MED13: variants seen among roughly 807,000 people sequenced by gnomAD.
MED13 encodes mediator complex subunit 13.
In MED13, 23 loss-of-function variants were observed where a neutral mutation model predicts 225.2. That is an observed-to-expected ratio of 0.10 (90% CI 0.07 to 0.14). The LOEUF is 0.14. Ranked by LOEUF, MED13 falls within the 10% of genes least tolerant of loss-of-function variation. MED13 has a pLI of 1.00. For missense variants in MED13, 2,197 were observed against 2,594.5 expected (o/e 0.85, Z 3.33); for synonymous variants, 942 against 889.2 (o/e 1.06, Z -1.06).
At chr17:62,060,357 T>G (rs2081028814) in intron 2 of MED13, among the ~76,000 whole-genome samples, 1 of 151,704 alleles carries the variant, frequency 6.6e-6, no homozygotes, top group South Asian at 2.1e-4. Flanking sequence ...AAACCCTACC[T>G]CCTGCCTGTA....
chr17:61,948,911 C>A (rs942085131), intron 28 of MED13, among the ~76,000 whole-genome samples: 2 of 150,854 alleles, frequency 1.3e-5, no homozygotes, highest in African/African-American at 2.4e-5. Context: ...ACGGTGAAAC[C>A]CCATCTCTAC....
intron 23 of MED13, among the ~76,000 whole-genome samples, chr17:61,958,730 C>T (rs1231936991): frequency 6.6e-6 from 1 of 152,140 alleles, no homozygotes; most frequent in African/African-American, 2.4e-5. Flanking sequence ...ACCTTGCCCT[C>T]CCAAAGTGTT....
Position 62,039,385 on chromosome 17 carries a change from C to G in MED13, c.471-3777G>C, listed in dbSNP as rs72843789. Among the ~76,000 whole-genome samples, 812 of 152,116 alleles carry G rather than the reference C, an allele frequency of 5.3e-3. 6 individuals are homozygous for G. Among genetic ancestry groups the G allele is most frequent in the Non-Finnish European group, 8.9e-3 (606 of 68,010 alleles). On this transcript the variant is annotated intron_variant, in intron 3 of 29. Coordinates refer to ENST00000397786, the MANE Select transcript of MED13 (RefSeq NM_005121.3). ...GCAGCCTCCACTTCCCAGGTTAAAG[C>G]GATTCTTCTTCCTCTGCCTCCTGAG... is the stretch of plus-strand genomic sequence containing the variant.
Position 61,956,258 on chromosome 17 carries a change from A to C in MED13, c.5623+81T>G, listed in dbSNP as rs2079942903. ...TGATAACCTTTGCATTTTATTCAAC[A>C]TATATACCTAGACGTGGTCAGAACT... On this transcript the variant is annotated intron_variant, in intron 24 of 29. Transcript: ENST00000397786. The C allele has an allele frequency of 2.2e-6, 3 of 1,339,518 alleles. No individual in the cohort carries two copies. In the South Asian group the frequency reaches 4.7e-5, roughly 21 times the overall value. 83.0% of individuals were successfully genotyped at this position (1,339,518 alleles called of 1,614,324 possible).
chr17:61,944,738 C>T lies in MED13; in HGVS notation c.*1730G>A, dbSNP rs118067315. On this transcript the variant is annotated 3_prime_UTR_variant, in exon 30 of 30. Coordinates refer to ENST00000397786, the MANE Select transcript of MED13 (RefSeq NM_005121.3). ...GTTTTGTAAATACAACTGATTTTGT[C>T]CTTGTAGATAATTAGTGAACGTACA... 4.3e-3 allele frequency: 659 copies of T among 152,466 alleles called. 4 individuals are homozygous for T. The highest frequency in any genetic ancestry group is 0.01 in the Middle Eastern group (3 of 290). The allele number at this position is 152,466 out of a possible 1,614,324, so 9.4% of individuals were successfully genotyped here.
At chr17:62,017,207 G>C (rs2080591010) in intron 8 of MED13, among the ~76,000 whole-genome samples, 1 of 81,162 alleles carries the variant, frequency 1.2e-5, no homozygotes. Context: ...AAACAGAGTA[G>C]AACTAAAATG....
chr17:62,002,168 G>GA (rs1395091985), intron 9 of MED13, among the ~76,000 whole-genome samples: 14 of 152,222 alleles, frequency 9.2e-5, no homozygotes, highest in African/African-American at 3.4e-4. Context: ...AGTGCTTCCA[G>GA]AAAGAATTTA....
At chr17:61,994,895 G>A (rs2080334394) in intron 10 of MED13, among the ~76,000 whole-genome samples, 1 of 152,022 alleles carries the variant, frequency 6.6e-6, no homozygotes. Flanking sequence ...ATTTTTATTA[G>A]AGACAGGGTT....
intron 21 of MED13, 24 bp from the exon 22 acceptor site, chr17:61,961,803 C>G: frequency 3.1e-6 from 5 of 1,597,072 alleles, no homozygotes; most frequent in Non-Finnish European, 4.3e-6. Context: ...GCAAATATTA[C>G]AAATGTTAAA....
intron 23 of MED13, among the ~76,000 whole-genome samples, chr17:61,957,222 T>C (rs1025479616): frequency 1.3e-5 from 2 of 151,964 alleles, no homozygotes; most frequent in Admixed American, 6.6e-5. Flanking sequence ...AATTTTTGTA[T>C]TTTTAGCAGA....
rs1320614621 is a variant in MED13 at position 61,984,336 on chromosome 17, C to T, written c.2723G>A (p.Cys908Tyr). ...DFSYVYKPENCQILVGCSMFA... is the reference protein window; with the variant it reads ...DFSYVYKPENYQILVGCSMFA... ...CATGGAACATCCCACTAGAATTTGACAATTTTCAGGCTTATAGACATAAGA... is the reference window on the plus strand; with the variant it reads ...CATGGAACATCCCACTAGAATTTGATAATTTTCAGGCTTATAGACATAAGA... The change falls in exon 15 of 30, where the codon TGT becomes TAT. Residue 908 changes from cysteine to tyrosine, a missense_variant. Cys to Tyr is a radical substitution (Grantham distance 194). Around this residue, in one of 12 missense-constraint regions of MED13, gnomAD observed 160 missense variants for 184.8 expected, o/e 0.87. Coordinates refer to ENST00000397786, the MANE Select transcript of MED13 (RefSeq NM_005121.3). 6.3e-7 allele frequency: 1 copy of T among 1,596,368 alleles called. No homozygotes were observed. Among genetic ancestry groups the T allele is most frequent in the African/African-American group, 1.4e-5 (1 of 73,710 alleles).
chr17:61,991,414 A>G (rs535016636), intron 11 of MED13, among the ~76,000 whole-genome samples: 1 of 151,998 alleles, frequency 6.6e-6, no homozygotes, highest in African/African-American at 2.4e-5. Flanking sequence ...AACTTGGCTC[A>G]CCACAACCTC....
intron 19 of MED13, 67 bp downstream of exon 19, chr17:61,966,395 A>G (rs1435046758): frequency 3.2e-6 from 4 of 1,266,432 alleles, no homozygotes; most frequent in Non-Finnish European, 4.4e-6. Flanking sequence ...TTATCTACAA[A>G]AACAGCTGGT....
At chr17:62,029,105 G>A (rs930564511) in intron 8 of MED13, among the ~76,000 whole-genome samples, 2 of 152,076 alleles carry the variant, frequency 1.3e-5, no homozygotes, top group Non-Finnish European at 2.9e-5. Flanking sequence ...AGGTTGCAGT[G>A]AGCCATGATC....
rs199704746 is a variant in MED13 at position 62,031,448 on chromosome 17, T to C, written c.1005A>G (p.Gln335=). ...TGAGACAAATTACTGCTATACCTGT[T>C]TGGACTTCCTCAGGAGACGTAGGTG... The part of the protein sequence containing the change: ...LTPPTSPEEV[Q]TVDPQSVQKW... Residue 335 remains glutamine (Q), a synonymous_variant, in exon 6 of 30, where the codon CAA becomes CAG. Coordinates refer to ENST00000397786, the MANE Select transcript of MED13 (RefSeq NM_005121.3). 7.0e-5 allele frequency: 112 copies of C among 1,601,226 alleles called. 1 individual carries two copies. In the African/African-American group the frequency reaches 1.3e-3, roughly 18 times the overall value.
Position 61,946,304 on chromosome 17 carries a change from A to T in MED13, c.*164T>A, listed in dbSNP as rs1170532428. 2.8e-6 allele frequency: 2 copies of T among 714,516 alleles called. No homozygotes were observed. The highest frequency in any genetic ancestry group is 4.4e-6 in the Non-Finnish European group (2 of 451,878). 44.3% of individuals were successfully genotyped at this position (714,516 alleles called of 1,614,324 possible). A position where few individuals can be genotyped will look rare whatever the true frequency, so the allele number is the denominator to read the frequency against. On this transcript the variant is annotated 3_prime_UTR_variant, in exon 30 of 30. Coordinates refer to ENST00000397786, the MANE Select transcript of MED13 (RefSeq NM_005121.3). The stretch of plus-strand genomic sequence containing the variant: ...TTCAATAGAGTCAATGAAAAATAGC[A>T]GGGTTATAGCCCCTCCCCCCAAGTC...
chr17:61,948,117 A>C (rs2079865845), intron 28 of MED13, among the ~76,000 whole-genome samples: 1 of 152,228 alleles, frequency 6.6e-6, no homozygotes, highest in Non-Finnish European at 1.5e-5. Flanking sequence ...TTCCTATGAT[A>C]AAAAGGGATC....
chr17:61,957,005 G>A (rs972532844), intron 23 of MED13, among the ~76,000 whole-genome samples: 7 of 152,030 alleles, frequency 4.6e-5, no homozygotes, highest in Admixed American at 3.3e-4. Context: ...AAAAAAATTT[G>A]TCTATAAAAC....
chr17:61,983,758 T>C (rs1455201772), intron 15 of MED13, among the ~76,000 whole-genome samples: 1 of 148,994 alleles, frequency 6.7e-6, no homozygotes, highest in African/African-American at 2.5e-5. Context: ...TGAGACAAAG[T>C]CTCACTCTTG....
Sources: allele counts gnomAD v4.1 joint callset (sites outside exome capture counted in the v4.1 genomes callset), GRCh38; gene constraint gnomAD v4.1.1; regional missense constraint gnomAD v4.1.1; transcripts MANE v1.5; gene names NCBI Gene and HGNC (gene_info 2026-07-23, HGNC 2026-07-21).